Variants in IFT57 observed in about 807,000 individuals in gnomAD.
The protein encoded by IFT57 is intraflagellar transport protein 57 homolog.
A neutral mutation model predicts 56.8 loss-of-function variants in IFT57; 59 were observed. The observed-to-expected ratio is 1.04, with a 90% CI of 0.84 to 1.29. The LOEUF is 1.29. Among genes scored for constraint, IFT57 ranks in the 50% most tolerant of loss-of-function variants. The probability of loss-of-function intolerance (pLI) is 0.00; values close to 1 mark genes in which losing one functional copy is unlikely to be tolerated. For synonymous variants in IFT57, 209 were observed against 186.1 expected (o/e 1.12, Z -1.00); for missense variants, 470 against 522.1 (o/e 0.90, Z 0.97).
At position 108,166,880 on chromosome 3, in the gene IFT57, G is replaced by C. The variant is rs149049643; in HGVS notation, c.955C>G (p.Arg319Gly). 4.7e-5 allele frequency: 75 copies of C among 1,611,000 alleles called. No homozygotes were observed. Among genetic ancestry groups the C allele is most frequent in the Non-Finnish European group, 6.2e-5 (73 of 1,178,366 alleles). The stretch of plus-strand genomic sequence containing the variant: ...TCACTCAGCTGGGCTTGAGCTGCAC[G>C]ATATTCTTGAACCAAATTCTCAAGC... ...NQLENLVQEYRAAQAQLSEAK... is the reference protein window; with the variant it reads ...NQLENLVQEYGAAQAQLSEAK... Residue 319 changes from arginine (R) to glycine (G), a missense_variant, in exon 8 of 11, where the codon CGT becomes GGT. Physicochemically the swap from Arg to Gly is moderately radical, Grantham distance 125. Transcript: ENST00000264538.
At chr3:108,191,480 C>CTTTT (rs60290956) in intron 6 of IFT57, 41 bp downstream of exon 6, 46 of 1,189,512 alleles carry the variant, frequency 3.9e-5, no homozygotes, top group Non-Finnish European at 4.9e-5. Context: ...TTCCTTATAA[C>CTTTT]TTTTTTTTTT....
intron 6 of IFT57, among the ~76,000 whole-genome samples, chr3:108,189,606 T>C (rs571450265): frequency 1.8e-4 from 27 of 152,274 alleles, no homozygotes; most frequent in Non-Finnish European, 2.8e-4. Context: ...TTTATCTAGA[T>C]GTCTCTTTAG....
At chr3:108,183,702 TG>T (rs2080164188) in intron 6 of IFT57, among the ~76,000 whole-genome samples, 1 of 151,828 alleles carries the variant, frequency 6.6e-6, no homozygotes, top group African/African-American at 2.4e-5. Flanking sequence ...AAATAGCCTT[TG>T]CTTGGTCTCA....
At chr3:108,188,760 T>C (rs757232601) in intron 6 of IFT57, among the ~76,000 whole-genome samples, 23 of 152,216 alleles carry the variant, frequency 1.5e-4, no homozygotes, top group Non-Finnish European at 2.2e-4. Context: ...ATGGCAATAC[T>C]GGTCTGTTAT....
intron 6 of IFT57, among the ~76,000 whole-genome samples, chr3:108,188,249 T>C (rs908908250): frequency 6.6e-6 from 1 of 152,172 alleles, no homozygotes; most frequent in Non-Finnish European, 1.5e-5. Context: ...AGAGAGCTCA[T>C]ATGTAACCAG....
At chr3:108,185,054 C>A (rs547175775) in intron 6 of IFT57, among the ~76,000 whole-genome samples, 20 of 152,096 alleles carry the variant, frequency 1.3e-4, no homozygotes, top group Admixed American at 1.3e-3. Flanking sequence ...TAAATGAATC[C>A]AGCATAAGAA....
chr3:108,166,174 T>C (rs1046489908), intron 8 of IFT57, among the ~76,000 whole-genome samples: 2 of 152,094 alleles, frequency 1.3e-5, no homozygotes, highest in South Asian at 4.1e-4. Context: ...CTCAACTTTG[T>C]CTGCTGAAGA....
At chr3:108,175,862 AG>A (rs976283086) in intron 6 of IFT57, among the ~76,000 whole-genome samples, 1 of 151,754 alleles carries the variant, frequency 6.6e-6, no homozygotes, top group African/African-American at 2.4e-5. Flanking sequence ...AATTATTGAT[AG>A]AAAAAAGCCA....
chr3:108,191,481 T>C, intron 6 of IFT57, 40 bp downstream of exon 6: 3 of 331,458 alleles, frequency 9.1e-6, no homozygotes, highest in Non-Finnish European at 1.3e-5. Context: ...TCCTTATAAC[T>C]TTTTTTTTTT....
chr3:108,216,252 T>A (rs973511081), intron 3 of IFT57, among the ~76,000 whole-genome samples: 1 of 152,068 alleles, frequency 6.6e-6, no homozygotes, highest in African/African-American at 2.4e-5. Context: ...TATAAGAAAT[T>A]CAAGCAACTC....
Position 108,167,862 on chromosome 3 carries a change from A to G in IFT57, c.780T>C (p.Asp260=). 1 of 1,589,886 alleles carries G rather than the reference A, an allele frequency of 6.3e-7. No homozygotes were observed. Among genetic ancestry groups the G allele is most frequent in the Non-Finnish European group, 8.6e-7 (1 of 1,168,164 alleles). The change falls in exon 7 of 11, where the codon GAT becomes GAC. Residue 260 remains aspartate, a splice_region_variant and synonymous_variant. Transcript: ENST00000264538. The part of the protein sequence containing the change: ...LKVTIRTDNK[D]WRIHVDQMHQ... ...GCATTTGGTCAACATGGATTCTCCA[A>G]TCCTACAGGCATAGAGCACATAGAA...
chr3:108,208,425 T>C (rs1357461878), intron 4 of IFT57, among the ~76,000 whole-genome samples: 1 of 152,312 alleles, frequency 6.6e-6, no homozygotes, highest in East Asian at 1.9e-4. Flanking sequence ...ACTGTTTACA[T>C]AAGCAATCAA....
At chr3:108,174,335 GT>G (rs2108311096) in intron 6 of IFT57, among the ~76,000 whole-genome samples, 1 of 111,624 alleles carries the variant, frequency 9.0e-6, no homozygotes, top group Admixed American at 9.5e-5. Context: ...ACAGAAGTTT[GT>G]GTCAAAATGA....
chr3:108,179,032 T>C (rs751188320), intron 6 of IFT57, among the ~76,000 whole-genome samples: 2 of 151,840 alleles, frequency 1.3e-5, no homozygotes, highest in African/African-American at 2.4e-5. Context: ...AACTCACATA[T>C]ACTCAGATGC....
intron 5 of IFT57, among the ~76,000 whole-genome samples, chr3:108,204,685 T>G (rs72933767): frequency 1.4e-3 from 210 of 152,294 alleles, no homozygotes; most frequent in African/African-American, 4.9e-3. Flanking sequence ...ACACCAACAT[T>G]ACTAATTACA....
chr3:108,166,794 C>T, intron 8 of IFT57, 60 bp downstream of exon 8: 1 of 1,438,334 alleles, frequency 7.0e-7, no homozygotes, highest in Non-Finnish European at 9.5e-7. Flanking sequence ...AGTATTGTGT[C>T]AAGTTTAGGG....
At chr3:108,210,119 A>T (rs2108325640) in intron 4 of IFT57, among the ~76,000 whole-genome samples, 1 of 152,226 alleles carries the variant, frequency 6.6e-6, no homozygotes, top group Admixed American at 6.5e-5. Context: ...GCACTCAAAA[A>T]TTTCCTACTA....
chr3:108,214,128 T>G (rs746433669), intron 3 of IFT57, 107 bp from the exon 4 acceptor site: 1 of 613,236 alleles, frequency 1.6e-6, no homozygotes, highest in Non-Finnish European at 2.8e-6. Flanking sequence ...TCCTTTTTCA[T>G]TCCGCTTCCA....
intron 6 of IFT57, among the ~76,000 whole-genome samples, chr3:108,172,283 C>A (rs2108310075): frequency 6.6e-6 from 1 of 151,812 alleles, no homozygotes; most frequent in African/African-American, 2.4e-5. Flanking sequence ...GACCAAGCAG[C>A]CAACAGCTGT....
Sources: allele counts gnomAD v4.1 joint callset (sites outside exome capture counted in the v4.1 genomes callset), GRCh38; gene constraint gnomAD v4.1.1; transcripts MANE v1.5; gene names NCBI Gene and HGNC (gene_info 2026-07-23, HGNC 2026-07-21).